Variants in CEP63 observed in about 807,000 individuals in gnomAD.
CEP63 encodes centrosomal protein of 63 kDa.
Under a neutral mutation model 89.1 loss-of-function variants are expected in CEP63, and 84 were observed. The ratio of observed to expected loss-of-function variants is 0.94; its 90% CI spans 0.79 to 1.13. The LOEUF (loss-of-function observed/expected upper bound fraction) is 1.13, where lower values mean the gene tolerates loss of function less well. Among genes scored for constraint, CEP63 ranks in the 50% most tolerant of loss-of-function variants. The pLI is 0.00. For synonymous variants in CEP63, 267 were observed against 272.5 expected (o/e 0.98, Z 0.20); for missense variants, 838 against 813.3 (o/e 1.03, Z -0.37).
At chr3:134,529,760 G>A (rs965142848) in intron 3 of CEP63, among the ~76,000 whole-genome samples, 2 of 151,830 alleles carry the variant, frequency 1.3e-5, no homozygotes, top group South Asian at 4.2e-4. Flanking sequence ...TCCTGCCTCT[G>A]CCTCCTAAAG....
chr3:134,777,938 T>C, the CEP63 span, among the ~76,000 whole-genome samples: 1 of 151,722 alleles, frequency 6.6e-6, no homozygotes, highest in Non-Finnish European at 1.5e-5. Context: ...AACAACAAAT[T>C]ATTTTTCTGG....
the CEP63 span, among the ~76,000 whole-genome samples, chr3:134,685,756 A>G: frequency 6.6e-6 from 1 of 152,228 alleles, no homozygotes; most frequent in African/African-American, 2.4e-5. Context: ...TCTCTCCATC[A>G]GAACAGTTAC....
chr3:134,529,218 G>T (rs1250957576), intron 3 of CEP63, among the ~76,000 whole-genome samples: 2 of 151,662 alleles, frequency 1.3e-5, no homozygotes, highest in East Asian at 1.9e-4. Context: ...TTTTAATACA[G>T]CTTAATGTTT....
the CEP63 span, among the ~76,000 whole-genome samples, chr3:134,758,508 G>T: frequency 2.0e-5 from 3 of 152,236 alleles, no homozygotes; most frequent in Non-Finnish European, 2.9e-5. Context: ...CGCCCAGAAG[G>T]TATGCGGGGT....
rs1163135900 is a variant in CEP63 at position 134,549,043 on chromosome 3, T to C, written c.1068-19T>C. On this transcript the variant is annotated intron_variant, in intron 9 of 14. Coordinates refer to ENST00000675561, the MANE Select transcript of CEP63 (RefSeq NM_001353108.3). ...CAGGATTTTGGTTTTAAGTATGGGA[T>C]CTTATTTTTGTCATACAGTTTGGAA... The C allele has an allele frequency of 6.5e-7, 1 of 1,532,204 alleles. No homozygotes were observed. The highest frequency in any genetic ancestry group is 9.0e-7 in the Non-Finnish European group (1 of 1,105,300). 94.9% of individuals were successfully genotyped at this position (1,532,204 alleles called of 1,614,324 possible).
chr3:134,572,625 A>G (rs139472318), intron 11 of CEP63, among the ~76,000 whole-genome samples: 3,043 of 152,322 alleles, frequency 0.02, 35 homozygotes, highest in Non-Finnish European at 0.028. Context: ...CATGGTGTAT[A>G]TGTACCACAT....
the CEP63 span, among the ~76,000 whole-genome samples, chr3:134,750,885 T>G: frequency 1.3e-5 from 2 of 152,248 alleles, no homozygotes; most frequent in African/African-American, 4.8e-5. Flanking sequence ...TGTTTAAAAG[T>G]GAGCAATTCA....
chr3:134,709,406 G>A, the CEP63 span, among the ~76,000 whole-genome samples: 2 of 143,668 alleles, frequency 1.4e-5, no homozygotes, highest in African/African-American at 2.6e-5. Flanking sequence ...CAGAGGAGGG[G>A]AATGACTGCT....
At chr3:134,628,345 G>T in the CEP63 span, among the ~76,000 whole-genome samples, 2 of 152,192 alleles carry the variant, frequency 1.3e-5, no homozygotes, top group Non-Finnish European at 2.9e-5. Flanking sequence ...AGGCAGAATT[G>T]TAGCCAATAG....
At chr3:134,550,314 T>G (rs1954518958) in intron 11 of CEP63, 54 bp downstream of exon 11, 3 of 1,479,924 alleles carry the variant, frequency 2.0e-6, no homozygotes, top group East Asian at 2.4e-5. Flanking sequence ...AAAGATGGAG[T>G]TGATTAAAGA....
the CEP63 span, among the ~76,000 whole-genome samples, chr3:134,745,007 A>AATC: frequency 6.6e-6 from 1 of 152,234 alleles, no homozygotes; most frequent in East Asian, 1.9e-4. Flanking sequence ...ACACTCATGG[A>AATC]ATCATCTCCA....
downstream of CEP63, among the ~76,000 whole-genome samples, chr3:134,569,723 C>T (rs1957939080): frequency 6.6e-6 from 1 of 152,186 alleles, no homozygotes; most frequent in Non-Finnish European, 1.5e-5. Flanking sequence ...GCCCTCTTCT[C>T]ACAGTTCCAC....
chr3:134,656,479 T>C, the CEP63 span, among the ~76,000 whole-genome samples: 1 of 152,136 alleles, frequency 6.6e-6, no homozygotes, highest in South Asian at 2.1e-4. Flanking sequence ...TCAGCAGGGA[T>C]GGAAGAGCAG....
downstream of CEP63, among the ~76,000 whole-genome samples, chr3:134,576,108 G>A (rs1227135619): frequency 2.0e-5 from 3 of 151,992 alleles, no homozygotes; most frequent in East Asian, 1.9e-4. Flanking sequence ...TGCTTTTCAC[G>A]GGAAGTCTTC....
At chr3:134,715,044 A>T in the CEP63 span, among the ~76,000 whole-genome samples, 6 of 152,226 alleles carry the variant, frequency 3.9e-5, no homozygotes, top group Non-Finnish European at 7.3e-5. Flanking sequence ...CATAGCTTCT[A>T]GGCTGCTGAG....
At chr3:134,671,956 G>A in the CEP63 span, among the ~76,000 whole-genome samples, 1 of 152,170 alleles carries the variant, frequency 6.6e-6, no homozygotes, top group African/African-American at 2.4e-5. Context: ...CACAGTGAGG[G>A]TGAGGACCTG....
chr3:134,558,512 T>C (rs1207189352), intron 13 of CEP63, among the ~76,000 whole-genome samples, 165 bp downstream of exon 13: 1 of 152,172 alleles, frequency 6.6e-6, no homozygotes, highest in African/African-American at 2.4e-5. Context: ...TGTTAAAAAA[T>C]GGCTGGGGGA....
At chr3:134,643,207 A>T in the CEP63 span, 1 of 976,574 alleles carries the variant, frequency 1.0e-6, no homozygotes, top group Non-Finnish European at 1.6e-6. Context: ...AGCAGAGAGG[A>T]CCCTGCTCCC....
the CEP63 span, among the ~76,000 whole-genome samples, chr3:134,696,488 G>A: frequency 6.6e-6 from 1 of 152,212 alleles, no homozygotes; most frequent in Non-Finnish European, 1.5e-5. Context: ...GCGGCATCCT[G>A]AGTCTGATTC....
Sources: gnomAD v4.1 joint callset for allele counts (sites outside exome capture counted in the v4.1 genomes callset) on GRCh38, gnomAD v4.1.1 for gene constraint, MANE v1.5 for transcripts, NCBI Gene and HGNC (gene_info 2026-07-23, HGNC 2026-07-21) for gene names.